The following GALNTL6 variants were observed in gnomAD, a reference collection of about 807,000 sequenced individuals.
GALNTL6 encodes polypeptide N-acetylgalactosaminyltransferase like 6, also known as polypeptide N-acetylgalactosaminyltransferase-like 6.
In GALNTL6, 46 loss-of-function variants were observed where a neutral mutation model predicts 73.7. The observed-to-expected ratio is 0.62, with a 90% CI of 0.49 to 0.80. The LOEUF (loss-of-function observed/expected upper bound fraction) is 0.80. Among genes scored for constraint, GALNTL6 ranks in the 30% least tolerant of loss-of-function variants. The pLI is 0.00. For synonymous variants in GALNTL6, 259 were observed against 263.7 expected, an observed-to-expected ratio of 0.98 and a Z score of 0.17; for missense variants, 604 against 755.0, an observed-to-expected ratio of 0.80 and a Z score of 2.34.
chr4:172,093,237 CG>C (rs1179594886), intron 2 of GALNTL6, among the ~76,000 whole-genome samples: 2 of 152,086 alleles, frequency 1.3e-5, no homozygotes, highest in African/African-American at 4.8e-5. Context: ...TGACTACACA[CG>C]ATAAGATTTT....
intron 2 of GALNTL6, among the ~76,000 whole-genome samples, chr4:172,151,866 CAT>C (rs756918195): frequency 1.0e-4 from 15 of 150,410 alleles, no homozygotes; most frequent in African/African-American, 3.2e-4. Context: ...ATGCCTTTTC[CAT>C]ATATATATAT....
Position 172,229,745 on chromosome 4 carries a change from G to A in GALNTL6, c.228G>A (p.Gln76=), listed in dbSNP as rs1264406609. The A allele has an allele frequency of 2.5e-6, 4 of 1,611,912 alleles. No individual in the cohort carries two copies. The highest frequency in any genetic ancestry group is 2.5e-6 in the Non-Finnish European group (3 of 1,178,202). ...RKDWHDYESI[Q]KEAMRSGKGE... is the part of the protein sequence containing the mutation. ...ACTGGCATGACTATGAAAGCATTCA[G>A]AAAGAGGCTATGCGCTCAGGTATGA... The change falls in exon 3 of 13, where the codon CAG becomes CAA. Residue 76 remains glutamine, a synonymous_variant. Coordinates refer to ENST00000506823, the MANE Select transcript of GALNTL6 (RefSeq NM_001034845.3).
intron 8 of GALNTL6, among the ~76,000 whole-genome samples, chr4:172,892,082 C>A (rs1746062941): frequency 6.6e-6 from 1 of 152,174 alleles, no homozygotes; most frequent in African/African-American, 2.4e-5. Flanking sequence ...GCTTGCCATC[C>A]AAATTCTGGA....
intron 5 of GALNTL6, among the ~76,000 whole-genome samples, chr4:172,482,546 C>T (rs1733529362): frequency 6.6e-6 from 1 of 152,228 alleles, no homozygotes; most frequent in African/African-American, 2.4e-5. Context: ...TACATGAATG[C>T]ACTCAATCCA....
chr4:172,526,018 C>T (rs554053678), intron 5 of GALNTL6, among the ~76,000 whole-genome samples: 1 of 152,048 alleles, frequency 6.6e-6, no homozygotes, highest in Non-Finnish European at 1.5e-5. Context: ...TGCCCAGGAT[C>T]TCTAGTGCAA....
At chr4:172,805,685 G>A (rs796401051) in intron 5 of GALNTL6, among the ~76,000 whole-genome samples, 21 of 152,132 alleles carry the variant, frequency 1.4e-4, no homozygotes, top group African/African-American at 4.8e-4. Flanking sequence ...GTTCAAAAGT[G>A]ATCTTCAAAA....
chr4:172,745,221 G>T (rs2110755594), intron 5 of GALNTL6, among the ~76,000 whole-genome samples: 1 of 148,012 alleles, frequency 6.8e-6, no homozygotes, highest in African/African-American at 2.5e-5. Flanking sequence ...ATTAAAAAAA[G>T]AAGATAAAGA....
intron 5 of GALNTL6, among the ~76,000 whole-genome samples, chr4:172,726,686 T>G (rs989438929): frequency 2.6e-5 from 4 of 152,204 alleles, no homozygotes; most frequent in Non-Finnish European, 4.4e-5. Context: ...ATGAAAATAA[T>G]GGAAGCTTAT....
intron 5 of GALNTL6, among the ~76,000 whole-genome samples, chr4:172,482,196 G>C (rs188951629): frequency 6.6e-6 from 1 of 152,302 alleles, no homozygotes; most frequent in Non-Finnish European, 1.5e-5. Flanking sequence ...ACACCCACCC[G>C]GAACTCGCGC....
chr4:172,723,382 G>A (rs1001455015), intron 5 of GALNTL6, among the ~76,000 whole-genome samples: 15 of 152,072 alleles, frequency 9.9e-5, no homozygotes, highest in Non-Finnish European at 4.4e-5. Flanking sequence ...TAGCCTTGTG[G>A]CCTTCCCATA....
chr4:172,454,075 G>C (rs1379565139), intron 5 of GALNTL6, among the ~76,000 whole-genome samples: 1 of 152,158 alleles, frequency 6.6e-6, no homozygotes, highest in East Asian at 1.9e-4. Context: ...CATTTATAAT[G>C]TTTCAGTGGA....
chr4:172,893,920 T>G (rs1746184544), intron 8 of GALNTL6, among the ~76,000 whole-genome samples: 1 of 152,054 alleles, frequency 6.6e-6, no homozygotes, highest in Non-Finnish European at 1.5e-5. Flanking sequence ...GAGTGTGGAG[T>G]CCCGGAGCTC....
At chr4:171,898,003 G>A (rs28794900) in intron 2 of GALNTL6, among the ~76,000 whole-genome samples, 43,356 of 151,414 alleles carry the variant, frequency 0.29, 7,151 homozygotes, top group African/African-American at 0.45. Flanking sequence ...ACAAAGGATC[G>A]TTTCCAAAAT....
chr4:172,865,965 CCTT>C (rs1744642533), intron 7 of GALNTL6, among the ~76,000 whole-genome samples: 1 of 152,190 alleles, frequency 6.6e-6, no homozygotes, highest in African/African-American at 2.4e-5. Flanking sequence ...AAGACACAAA[CCTT>C]CTAAGTGAAA....
intron 2 of GALNTL6, among the ~76,000 whole-genome samples, chr4:172,186,349 G>T (rs766734207): frequency 6.6e-6 from 1 of 152,146 alleles, no homozygotes; most frequent in Non-Finnish European, 1.5e-5. Flanking sequence ...TTCAGCCACT[G>T]TAGAGAAAAG....
intron 2 of GALNTL6, among the ~76,000 whole-genome samples, chr4:172,115,657 A>G (rs2110987424): frequency 6.6e-6 from 1 of 152,250 alleles, no homozygotes; most frequent in Admixed American, 6.5e-5. Context: ...ACTATTATTA[A>G]TCTTTGAGTA....
chr4:172,259,392 C>T lies in GALNTL6; in HGVS notation c.247+29628C>T, dbSNP rs182162681. Among the ~76,000 whole-genome samples, 767 of 149,180 alleles carry T rather than the reference C, an allele frequency of 5.1e-3. 2 individuals are homozygous for T. The highest frequency in any genetic ancestry group is 8.3e-3 in the Non-Finnish European group (560 of 67,098). On this transcript the variant is annotated intron_variant, in intron 3 of 12. Transcript: ENST00000506823. ...GCTTTTTTTATGTTTGTCGGCCATT[C>T]GTATATCTTCTTTAGATAATTTTCT...
intron 5 of GALNTL6, among the ~76,000 whole-genome samples, chr4:172,579,967 CA>C (rs2110970392): frequency 6.6e-6 from 1 of 152,134 alleles, no homozygotes; most frequent in African/African-American, 2.4e-5. Flanking sequence ...ATTTCTAACT[CA>C]AATTCGTAGA....
At chr4:172,049,363 C>A (rs1295927225) in intron 2 of GALNTL6, among the ~76,000 whole-genome samples, 1 of 152,088 alleles carries the variant, frequency 6.6e-6, no homozygotes, top group African/African-American at 2.4e-5. Flanking sequence ...AGAGCTTTTG[C>A]CCATTTCTTA....
Sources: allele counts gnomAD v4.1 joint callset (sites outside exome capture counted in the v4.1 genomes callset), GRCh38; gene constraint gnomAD v4.1.1; transcripts MANE v1.5; gene names NCBI Gene and HGNC (gene_info 2026-07-23, HGNC 2026-07-21).